Variants in DDX4 observed in about 807,000 individuals in gnomAD.
DDX4 encodes DEAD-box helicase 4.
Under a neutral mutation model 100.0 loss-of-function variants are expected in DDX4, and 25 were observed. The observed-to-expected ratio is 0.25, with a 90% CI of 0.18 to 0.35. DDX4 has a LOEUF of 0.35. Among genes scored for constraint, DDX4 ranks in the 10% least tolerant of loss-of-function variants. The pLI, the probability that DDX4 is intolerant of heterozygous loss-of-function variation, is 1.00. For synonymous variants in DDX4, 259 were observed against 275.7 expected (o/e 0.94, Z 0.60); for missense variants, 635 against 882.4 (o/e 0.72, Z 3.55).
intron 18 of DDX4, among the ~76,000 whole-genome samples, chr5:55,802,130 A>T (rs537475616): frequency 2.6e-5 from 4 of 152,312 alleles, no homozygotes; most frequent in African/African-American, 7.2e-5. Context: ...TCCAGGTGAG[A>T]TGTTAGTTGG....
chr5:55,742,319 A>G, intron 2 of DDX4: 2 of 445,346 alleles, frequency 4.5e-6, no homozygotes, highest in Non-Finnish European at 9.1e-6. Context: ...ACTGACCGTG[A>G]ATGTAAGCCT....
At chr5:55,742,340 C>G (rs1759025239) in intron 2 of DDX4, 2 of 382,344 alleles carry the variant, frequency 5.2e-6, no homozygotes, top group African/African-American at 2.0e-5. Context: ...GTATAGTGAT[C>G]ACTTCTGTCT....
intron 18 of DDX4, 88 bp from the exon 19 acceptor site, chr5:55,813,585 T>C (rs1011848071): frequency 2.1e-6 from 3 of 1,424,764 alleles, no homozygotes; most frequent in Non-Finnish European, 2.8e-6. Flanking sequence ...GGACAAAGTT[T>C]CATATTCAAG....
chr5:55,757,526 A>G (rs1199033991), intron 3 of DDX4, among the ~76,000 whole-genome samples: 1 of 152,162 alleles, frequency 6.6e-6, no homozygotes, highest in African/African-American at 2.4e-5. Context: ...CTGGTTCCAT[A>G]TTTTTGAAAT....
At chr5:55,814,778 C>T in intron 19 of DDX4, 123 bp from the exon 20 acceptor site, 1 of 1,109,114 alleles carries the variant, frequency 9.0e-7, no homozygotes, top group Non-Finnish European at 1.3e-6. Flanking sequence ...GTGTGAGCCA[C>T]TGCGCCCAGC....
Position 55,782,712 on chromosome 5 carries a change from T to C in DDX4, c.625+731T>C, listed in dbSNP as rs540516037. Among the ~76,000 whole-genome samples, 22 of 152,210 alleles carry C rather than the reference T, an allele frequency of 1.4e-4. 1 individual carries two copies. The highest frequency in any genetic ancestry group is 3.4e-3 in the Middle Eastern group (1 of 294). Reference sequence around the variant, plus strand: ...TGTACAAATCCTTATTAAAACAATATGCTTTTTCTTATGGAATAGTTGATT... The same window carrying C: ...TGTACAAATCCTTATTAAAACAATACGCTTTTTCTTATGGAATAGTTGATT... On this transcript the variant is annotated intron_variant, in intron 10 of 21. Coordinates refer to ENST00000505374, the MANE Select transcript of DDX4 (RefSeq NM_024415.3).
intron 18 of DDX4, among the ~76,000 whole-genome samples, chr5:55,804,643 C>T (rs1348380303): frequency 5.3e-5 from 8 of 151,836 alleles, no homozygotes; most frequent in East Asian, 1.9e-4. Flanking sequence ...AGATATGCTG[C>T]GTTATTTCTG....
chr5:55,787,785 C>T, intron 14 of DDX4, 61 bp from the exon 15 acceptor site: 3 of 1,550,794 alleles, frequency 1.9e-6, no homozygotes, highest in Non-Finnish European at 2.6e-6. Flanking sequence ...TGAGGATTAG[C>T]TTTCCATAGG....
intron 10 of DDX4, among the ~76,000 whole-genome samples, chr5:55,783,633 AGATG>A (rs59794903): frequency 0.028 from 4,070 of 146,718 alleles, 68 homozygotes; most frequent in South Asian, 0.039. Flanking sequence ...AGGAGGGAGG[AGATG>A]GATGGATGGA....
At chr5:55,741,635 A>G (rs951415081) in intron 2 of DDX4, among the ~76,000 whole-genome samples, 3 of 152,126 alleles carry the variant, frequency 2.0e-5, no homozygotes, top group African/African-American at 7.2e-5. Context: ...TAAAAATACA[A>G]AAAATTAGCT....
chr5:55,738,147 A>T (rs1213272647), intron 1 of DDX4, 46 bp downstream of exon 1: 1 of 152,308 alleles, frequency 6.6e-6, no homozygotes, highest in African/African-American at 2.4e-5. Flanking sequence ...ACTCGGCCGT[A>T]CGGGCTCCCC....
intron 18 of DDX4, among the ~76,000 whole-genome samples, chr5:55,812,067 T>G (rs1744149077): frequency 6.6e-6 from 1 of 152,220 alleles, no homozygotes; most frequent in African/African-American, 2.4e-5. Flanking sequence ...ACTTGGATTC[T>G]TAAAATGATT....
intron 18 of DDX4, among the ~76,000 whole-genome samples, chr5:55,809,762 T>C (rs1458625079): frequency 2.0e-5 from 3 of 152,158 alleles, no homozygotes; most frequent in African/African-American, 7.2e-5. Context: ...CATGTGTAAG[T>C]CTGATGTACA....
chr5:55,783,359 T>TA (rs1170582737), intron 10 of DDX4, among the ~76,000 whole-genome samples: 1 of 151,890 alleles, frequency 6.6e-6, no homozygotes, highest in Non-Finnish European at 1.5e-5. Context: ...CCTGTGGACA[T>TA]ACAAGATAAG....
chr5:55,785,206 G>T, intron 10 of DDX4, 91 bp from the exon 11 acceptor site: 1 of 834,698 alleles, frequency 1.2e-6, no homozygotes, highest in Non-Finnish European at 2.0e-6. Flanking sequence ...AAGTTTTTTG[G>T]AACTTGTTCT....
intron 18 of DDX4, among the ~76,000 whole-genome samples, chr5:55,807,238 C>A (rs1743791675): frequency 6.6e-6 from 1 of 152,168 alleles, no homozygotes; most frequent in South Asian, 2.1e-4. Context: ...GCTGGGTCTC[C>A]TGAATACAGC....
At chr5:55,803,668 A>G (rs1743483077) in intron 18 of DDX4, among the ~76,000 whole-genome samples, 1 of 151,862 alleles carries the variant, frequency 6.6e-6, no homozygotes. Context: ...ATCATTTTTT[A>G]TGGATGCACA....
intron 7 of DDX4, among the ~76,000 whole-genome samples, chr5:55,775,846 C>T (rs1741528360): frequency 1.3e-5 from 2 of 152,082 alleles, no homozygotes; most frequent in Admixed American, 6.6e-5. Context: ...GTTGGCCGGG[C>T]GCAGTGGCTC....
intron 13 of DDX4, 134 bp downstream of exon 13, chr5:55,786,005 A>G: frequency 1.8e-6 from 1 of 569,342 alleles, no homozygotes; most frequent in Admixed American, 3.3e-5. Flanking sequence ...GGAAATTTAG[A>G]ATGATGTCTT....
Sources: gnomAD v4.1 joint callset for allele counts (sites outside exome capture counted in the v4.1 genomes callset) on GRCh38, gnomAD v4.1.1 for gene constraint, MANE v1.5 for transcripts, NCBI Gene and HGNC (gene_info 2026-07-23, HGNC 2026-07-21) for gene names.